The following ZBTB7C variants were observed in gnomAD, a reference collection of about 807,000 sequenced individuals.
ZBTB7C encodes the protein zinc finger and BTB domain containing 7C.
A neutral mutation model predicts 25.7 loss-of-function variants in ZBTB7C; 8 were observed. That is an observed-to-expected ratio of 0.31 (90% CI 0.18 to 0.56). The LOEUF is 0.56. ZBTB7C is among the 20% of genes least tolerant of loss of function. The probability of loss-of-function intolerance (pLI) is 0.91; values close to 1 mark genes in which losing one functional copy is unlikely to be tolerated. For synonymous variants in ZBTB7C, 394 were observed against 369.0 expected, an observed-to-expected ratio of 1.07 and a Z score of -0.78; for missense variants, 824 against 855.2, an observed-to-expected ratio of 0.96 and a Z score of 0.46.
chr18:48,031,285 G>A (rs73953652), intron 4 of ZBTB7C, among the ~76,000 whole-genome samples: 2,134 of 152,280 alleles, frequency 0.014, 55 homozygotes, highest in African/African-American at 0.047. Flanking sequence ...ACTGTGAGAG[G>A]AGGATCAGAG....
At chr18:48,284,146 C>CA (rs1177363974) in intron 2 of ZBTB7C, among the ~76,000 whole-genome samples, 21 of 151,358 alleles carry the variant, frequency 1.4e-4, no homozygotes, top group African/African-American at 4.6e-4. Context: ...GACTCTGTCT[C>CA]AAAAAAACAA....
Position 48,238,124 on chromosome 18 carries a change from A to G in ZBTB7C, c.-78-52129T>C, listed in dbSNP as rs189222271. 1.3e-3 allele frequency among the ~76,000 whole-genome samples: 199 copies of G among 152,352 alleles called. 2 individuals are homozygous for G. The highest frequency in any genetic ancestry group is 6.8e-3 in the Middle Eastern group (2 of 294). The stretch of plus-strand genomic sequence containing the variant: ...TTACCATAAAATAAGGATAATGGTT[A>G]TCTCTGAAGGGGGAGTTTCCAGCGA... On this transcript the variant is annotated intron_variant, in intron 2 of 4. Transcript: ENST00000590800.
intron 1 of ZBTB7C, among the ~76,000 whole-genome samples, chr18:48,395,265 A>ATG (rs59232482): frequency 0.012 from 1,225 of 103,550 alleles, 24 homozygotes; most frequent in East Asian, 0.076. Flanking sequence ...GAGAGAGAGA[A>ATG]TGTGTGTGTG....
intron 1 of ZBTB7C, among the ~76,000 whole-genome samples, chr18:48,344,054 G>A (rs1230070828): frequency 2.6e-5 from 4 of 152,046 alleles, no homozygotes; most frequent in African/African-American, 9.7e-5. Flanking sequence ...GCACGATCTC[G>A]GCTCACTGCA....
intron 3 of ZBTB7C, among the ~76,000 whole-genome samples, chr18:48,158,291 G>C (rs2040898770): frequency 6.6e-6 from 1 of 152,208 alleles, no homozygotes; most frequent in South Asian, 2.1e-4. Flanking sequence ...AGATGTCAGG[G>C]AAACAAGTTA....
intron 1 of ZBTB7C, among the ~76,000 whole-genome samples, chr18:48,355,312 C>T (rs1400530306): frequency 2.0e-5 from 3 of 152,196 alleles, no homozygotes; most frequent in African/African-American, 4.8e-5. Context: ...AACAATGTCA[C>T]ACGGACCAGC....
Position 48,029,125 on chromosome 18 carries a change from G to T in ZBTB7C, c.*135C>A. Reference sequence around the variant, plus strand: ...AGGAGCCCGGGAAAATGCCATCACTGATAGTATTATTATTATTTTCCCATT... The same window carrying T: ...AGGAGCCCGGGAAAATGCCATCACTTATAGTATTATTATTATTTTCCCATT... On this transcript the variant is annotated 3_prime_UTR_variant, in exon 5 of 5. Transcript: ENST00000590800. 1 of 1,230,270 alleles carries T rather than the reference G, an allele frequency of 8.1e-7. No homozygotes were observed. The highest frequency in any genetic ancestry group is 1.1e-6 in the Non-Finnish European group (1 of 923,874). 76.2% of individuals were successfully genotyped at this position (1,230,270 alleles called of 1,614,324 possible). A position where few individuals can be genotyped will look rare whatever the true frequency, so the allele number is the denominator to read the frequency against.
chr18:48,296,038 CAG>C (rs949753841), intron 2 of ZBTB7C, among the ~76,000 whole-genome samples: 1 of 152,248 alleles, frequency 6.6e-6, no homozygotes, highest in African/African-American at 2.4e-5. Context: ...CAGTGTCCAA[CAG>C]GGGAGCTACC....
At chr18:48,253,699 G>A (rs1032642482) in intron 2 of ZBTB7C, among the ~76,000 whole-genome samples, 9 of 152,148 alleles carry the variant, frequency 5.9e-5, no homozygotes, top group African/African-American at 2.2e-4. Context: ...TCAGAGTACC[G>A]ATTAGTGCAA....
At chr18:48,284,984 A>G (rs2044998554) in intron 2 of ZBTB7C, among the ~76,000 whole-genome samples, 1 of 152,170 alleles carries the variant, frequency 6.6e-6, no homozygotes, top group African/African-American at 2.4e-5. Flanking sequence ...ATTGAATTCT[A>G]GTTGCATGAT....
At chr18:48,115,054 T>C (rs1249435640) in intron 3 of ZBTB7C, among the ~76,000 whole-genome samples, 1 of 152,188 alleles carries the variant, frequency 6.6e-6, no homozygotes, top group African/African-American at 2.4e-5. Context: ...ACAGAAACTA[T>C]TCATTAAGCA....
chr18:48,303,904 T>C (rs894030187), intron 2 of ZBTB7C, among the ~76,000 whole-genome samples: 1 of 152,208 alleles, frequency 6.6e-6, no homozygotes, highest in Admixed American at 6.5e-5. Context: ...GGTTCTGTGA[T>C]AAGAGTAGCA....
intron 3 of ZBTB7C, among the ~76,000 whole-genome samples, chr18:48,097,849 C>A (rs542310787): frequency 6.6e-6 from 1 of 152,092 alleles, no homozygotes; most frequent in South Asian, 2.1e-4. Flanking sequence ...CTTAAGCTAC[C>A]TTGAGTTGGC....
chr18:48,177,690 T>C (rs867401354), intron 3 of ZBTB7C, among the ~76,000 whole-genome samples: 14 of 151,992 alleles, frequency 9.2e-5, no homozygotes, highest in African/African-American at 3.4e-4. Context: ...AGTTCTTGGG[T>C]CCAAGAACTT....
chr18:48,308,805 G>C (rs533417785), intron 2 of ZBTB7C, among the ~76,000 whole-genome samples: 1 of 152,272 alleles, frequency 6.6e-6, no homozygotes, highest in East Asian at 1.9e-4. Flanking sequence ...GAACTTGATG[G>C]GGTACATTCT....
At chr18:48,331,582 G>T (rs1420659894) in intron 2 of ZBTB7C, among the ~76,000 whole-genome samples, 6 of 152,164 alleles carry the variant, frequency 3.9e-5, no homozygotes, top group Non-Finnish European at 8.8e-5. Context: ...CCGTCCAAGA[G>T]GTACAGTGTA....
chr18:48,373,700 G>T (rs575305673), intron 1 of ZBTB7C, among the ~76,000 whole-genome samples: 1 of 152,196 alleles, frequency 6.6e-6, no homozygotes. Context: ...TATGGCTCAC[G>T]CCTGTAATCC....
chr18:48,337,652 A>G (rs983734854), intron 2 of ZBTB7C, among the ~76,000 whole-genome samples: 13 of 152,216 alleles, frequency 8.5e-5, no homozygotes, highest in African/African-American at 2.9e-4. Flanking sequence ...CAAGACAAAA[A>G]GCCTTCTGTT....
intron 2 of ZBTB7C, 116 bp from the exon 3 acceptor site, chr18:48,186,111 C>T (rs1254452389): frequency 6.6e-6 from 1 of 152,580 alleles, no homozygotes; most frequent in Non-Finnish European, 1.5e-5. Flanking sequence ...CTCCCAGCAG[C>T]ACTCTCCCCT....
Sources: gnomAD v4.1 joint callset for allele counts (sites outside exome capture counted in the v4.1 genomes callset) on GRCh38, gnomAD v4.1.1 for gene constraint, MANE v1.5 for transcripts, NCBI Gene and HGNC (gene_info 2026-07-23, HGNC 2026-07-21) for gene names.